LINGO2: variants seen among roughly 807,000 people sequenced by gnomAD.
The protein encoded by LINGO2 is leucine rich repeat and Ig domain containing 2, also known as leucine-rich repeat and immunoglobulin-like domain-containing nogo receptor-interacting protein 2.
Under a neutral mutation model 30.6 loss-of-function variants are expected in LINGO2, and 14 were observed. That is an observed-to-expected ratio of 0.46 (90% CI 0.30 to 0.72). LINGO2 has a LOEUF of 0.72. LINGO2 is among the 30% of genes least tolerant of loss of function. The pLI is 0.07. For missense variants in LINGO2, 729 were observed against 751.7 expected (o/e 0.97, Z 0.35); for synonymous variants, 317 against 288.5 (o/e 1.10, Z -1.00).
At chr9:29,211,730 G>A in the LINGO2 span, among the ~76,000 whole-genome samples, 1 of 152,056 alleles carries the variant, frequency 6.6e-6, no homozygotes, top group African/African-American at 2.4e-5. Context: ...TGTGGTACTC[G>A]TTTTCTCCAC....
intron 5 of LINGO2, among the ~76,000 whole-genome samples, chr9:27,976,402 GA>G (rs1820596892): frequency 2.0e-5 from 3 of 152,162 alleles, no homozygotes; most frequent in Admixed American, 2.0e-4. Flanking sequence ...CTTTCTGGGA[GA>G]AAGTGTCCCT....
chr9:28,042,621 T>TA (rs1365237747), intron 4 of LINGO2, among the ~76,000 whole-genome samples: 2 of 152,220 alleles, frequency 1.3e-5, no homozygotes, highest in African/African-American at 4.8e-5. Flanking sequence ...TTCCCTACTC[T>TA]AATTCTCATC....
intron 4 of LINGO2, among the ~76,000 whole-genome samples, chr9:28,211,862 C>A (rs1482476236): frequency 1.3e-5 from 2 of 151,240 alleles, no homozygotes; most frequent in African/African-American, 4.8e-5. Flanking sequence ...CTCTCCCTTC[C>A]TTCCTTTCTT....
At chr9:28,968,975 G>A in the LINGO2 span, among the ~76,000 whole-genome samples, 998 of 152,238 alleles carry the variant, frequency 6.6e-3, 18 homozygotes, top group African/African-American at 0.023. Context: ...AAATAAAAGA[G>A]AATGTGGGAG....
the LINGO2 span, among the ~76,000 whole-genome samples, chr9:29,186,009 C>T: frequency 1.3e-5 from 2 of 152,118 alleles, no homozygotes; most frequent in African/African-American, 4.8e-5. Flanking sequence ...ACCAAACTTT[C>T]CAGGTCAATC....
the LINGO2 span, among the ~76,000 whole-genome samples, chr9:29,139,020 C>A: frequency 2.0e-5 from 3 of 152,138 alleles, no homozygotes; most frequent in Non-Finnish European, 2.9e-5. Context: ...TTCTGACTTG[C>A]TTGCACACTC....
intron 4 of LINGO2, among the ~76,000 whole-genome samples, chr9:28,131,537 T>C (rs1034791625): frequency 1.3e-5 from 2 of 152,146 alleles, no homozygotes; most frequent in African/African-American, 4.8e-5. Flanking sequence ...GAATTGAATA[T>C]AATGGAGGGA....
intron 5 of LINGO2, among the ~76,000 whole-genome samples, chr9:27,980,879 T>C (rs894312758): frequency 6.6e-6 from 1 of 151,912 alleles, no homozygotes; most frequent in Non-Finnish European, 1.5e-5. Context: ...TTATGTTTAG[T>C]TTCTTATGTG....
At chr9:28,710,756 A>G in the LINGO2 span, among the ~76,000 whole-genome samples, 1 of 152,132 alleles carries the variant, frequency 6.6e-6, no homozygotes, top group Non-Finnish European at 1.5e-5. Context: ...TTAACCCTCC[A>G]ATTACATATT....
chr9:29,078,087 T>A, the LINGO2 span, among the ~76,000 whole-genome samples: 8 of 152,026 alleles, frequency 5.3e-5, no homozygotes, highest in African/African-American at 1.9e-4. Flanking sequence ...ACTTAACTGA[T>A]GATTATTAAC....
At chr9:28,408,788 CAA>C (rs67322645) in intron 2 of LINGO2, among the ~76,000 whole-genome samples, 1 of 139,796 alleles carries the variant, frequency 7.2e-6, no homozygotes, top group South Asian at 2.3e-4. Context: ...AAAAAAAAAA[CAA>C]AAAAAAACAA....
chr9:28,102,858 A>G (rs903710556), intron 4 of LINGO2, among the ~76,000 whole-genome samples: 6 of 152,148 alleles, frequency 3.9e-5, no homozygotes, highest in African/African-American at 1.4e-4. Flanking sequence ...CTTCCATGGA[A>G]GCCTGGCAGT....
intron 5 of LINGO2, among the ~76,000 whole-genome samples, chr9:27,978,735 T>A (rs1820721853): frequency 6.6e-6 from 1 of 151,976 alleles, no homozygotes; most frequent in Non-Finnish European, 1.5e-5. Flanking sequence ...AATCTATACT[T>A]GCCTTTAATA....
chr9:29,095,531 GCATGTGCT>G, the LINGO2 span, among the ~76,000 whole-genome samples: 13 of 138,404 alleles, frequency 9.4e-5, 1 homozygote, highest in Non-Finnish European at 1.9e-4. Context: ...GGGTATCAAT[GCATGTGCT>G]CACTGAACCA....
chr9:29,048,528 A>G, the LINGO2 span, among the ~76,000 whole-genome samples: 1 of 152,152 alleles, frequency 6.6e-6, no homozygotes, highest in South Asian at 2.1e-4. Context: ...TCCTGAACAA[A>G]AAGAACAAAA....
At chr9:28,804,296 G>C in the LINGO2 span, among the ~76,000 whole-genome samples, 1 of 152,072 alleles carries the variant, frequency 6.6e-6, no homozygotes, top group Non-Finnish European at 1.5e-5. Context: ...CAGGTTATAA[G>C]TTGATGTCCA....
At chr9:29,154,502 T>A in the LINGO2 span, among the ~76,000 whole-genome samples, 1 of 148,036 alleles carries the variant, frequency 6.8e-6, no homozygotes, top group Non-Finnish European at 1.5e-5. Context: ...TGAATAGGAA[T>A]CTGTAAGAGC....
the LINGO2 span, among the ~76,000 whole-genome samples, chr9:28,939,180 A>AAG: frequency 6.6e-6 from 1 of 151,268 alleles, no homozygotes; most frequent in East Asian, 2.0e-4. Flanking sequence ...AGGCTACTTA[A>AAG]GCTACTTAAG....
the LINGO2 span, among the ~76,000 whole-genome samples, chr9:28,953,167 G>A: frequency 1.3e-5 from 2 of 152,080 alleles, no homozygotes; most frequent in African/African-American, 4.8e-5. Context: ...GTAAAAGAGA[G>A]GCATGATTGA....
Sources: allele counts gnomAD v4.1 joint callset (sites outside exome capture counted in the v4.1 genomes callset), GRCh38; gene constraint gnomAD v4.1.1; transcripts MANE v1.5; gene names NCBI Gene and HGNC (gene_info 2026-07-23, HGNC 2026-07-21).